The following C6orf89 variants were observed in gnomAD, a reference collection of about 807,000 sequenced individuals.
C6orf89 encodes the protein chromosome 6 open reading frame 89, also known as bombesin receptor-activated protein C6orf89.
A neutral mutation model predicts 40.7 loss-of-function variants in C6orf89; 29 were observed. The ratio of observed to expected loss-of-function variants is 0.71; its 90% CI spans 0.53 to 0.97. C6orf89 has a LOEUF of 0.97. Ranked by LOEUF, C6orf89 falls within the 50% of genes least tolerant of loss-of-function variation. The pLI, the probability that C6orf89 is intolerant of heterozygous loss-of-function variation, is 0.00. For missense variants in C6orf89, 392 were observed against 429.1 expected, an observed-to-expected ratio of 0.91 and a Z score of 0.76; for synonymous variants, 165 against 152.2, an observed-to-expected ratio of 1.08 and a Z score of -0.62.
intron 2 of C6orf89, among the ~76,000 whole-genome samples, chr6:36,897,879 T>C (rs563762356): frequency 6.6e-6 from 1 of 152,224 alleles, no homozygotes; most frequent in African/African-American, 2.4e-5. Flanking sequence ...ACTATGTCAG[T>C]ACTTTTTGGG....
At chr6:36,895,559 G>A (rs1761392678) in intron 2 of C6orf89, among the ~76,000 whole-genome samples, 1 of 152,126 alleles carries the variant, frequency 6.6e-6, no homozygotes, top group Non-Finnish European at 1.5e-5. Flanking sequence ...AAAAAAAGAT[G>A]TGTCTATTCC....
chr6:36,916,623 C>T (rs1762333195), intron 7 of C6orf89, 49 bp downstream of exon 7: 2 of 1,610,896 alleles, frequency 1.2e-6, no homozygotes, highest in East Asian at 4.5e-5. Context: ...TTATTTGGGA[C>T]CTGGACTGAT....
At position 36,914,832 on chromosome 6, in the gene C6orf89, A is replaced by C. The variant is rs367898071; in HGVS notation, c.695+139A>C. 7.8e-5 allele frequency: 80 copies of C among 1,027,558 alleles called. No homozygotes were observed. The African/African-American group carries it at 1.1e-3, about 15-fold the overall frequency. The allele number at this position is 1,027,558 out of a possible 1,614,324, so 63.7% of individuals were successfully genotyped here. A position where few individuals can be genotyped will look rare whatever the true frequency, so the allele number is the denominator to read the frequency against. Reference sequence around the variant, plus strand: ...TGGCAAAACCCCATCTCTACTAAAAATACAAAAATTAGCCAGGTATGGTGG... The same window carrying C: ...TGGCAAAACCCCATCTCTACTAAAACTACAAAAATTAGCCAGGTATGGTGG... On this transcript the variant is annotated intron_variant, in intron 6 of 8. Transcript: ENST00000480824.
At chr6:36,905,102 T>G (rs755466749) in intron 4 of C6orf89, among the ~76,000 whole-genome samples, 28 of 152,224 alleles carry the variant, frequency 1.8e-4, no homozygotes, top group Non-Finnish European at 2.9e-4. Context: ...TGTTTATTAC[T>G]TACCAGATGC....
In C6orf89 at chr6:36,914,548, G is replaced by C; in HGVS notation, c.556-6G>C. The stretch of plus-strand genomic sequence containing the variant: ...GTTGTTTTGTTTTGTTTCCTGCCTT[G>C]CCAAGACGGGAAAGCCCCTGTTGGA... On this transcript the variant is annotated splice_region_variant and splice_polypyrimidine_tract_variant and intron_variant, in intron 5 of 8. Coordinates refer to ENST00000480824, the MANE Select transcript of C6orf89 (RefSeq NM_001286635.2). 1 of 1,613,896 alleles carries C rather than the reference G, an allele frequency of 6.2e-7. No individual in the cohort carries two copies. Among genetic ancestry groups the C allele is most frequent in the Non-Finnish European group, 8.5e-7 (1 of 1,179,754 alleles).
At chr6:36,904,929 A>G (rs1761870097) in intron 4 of C6orf89, among the ~76,000 whole-genome samples, 1 of 152,130 alleles carries the variant, frequency 6.6e-6, no homozygotes, top group Non-Finnish European at 1.5e-5. Flanking sequence ...GACCCCACCC[A>G]GGGAACAAAA....
chr6:36,923,601 G>A lies in C6orf89; in HGVS notation c.*160G>A, dbSNP rs1470777175. On this transcript the variant is annotated 3_prime_UTR_variant, in exon 9 of 9. Transcript: ENST00000480824. The stretch of plus-strand genomic sequence containing the variant: ...ACCAGCTGTGAGCTGCAAGGCAGTG[G>A]CCAGAGCCTCGCCCTCCTGACTCTT... 5.8e-6 allele frequency: 4 copies of A among 690,434 alleles called. No individual in the cohort carries two copies. The highest frequency in any genetic ancestry group is 2.1e-5 in the Admixed American group (1 of 48,616). 42.8% of individuals were successfully genotyped at this position (690,434 alleles called of 1,614,324 possible). A position where few individuals can be genotyped will look rare whatever the true frequency, so the allele number is the denominator to read the frequency against.
At chr6:36,874,370 G>T (rs936134735) in intron 1 of C6orf89, among the ~76,000 whole-genome samples, 1 of 152,176 alleles carries the variant, frequency 6.6e-6, no homozygotes, top group African/African-American at 2.4e-5. Flanking sequence ...CTAAAGGCAG[G>T]GCTGTCTGTG....
In C6orf89 at chr6:36,914,814, A is replaced by G. The variant is rs950389439; in HGVS notation, c.695+121A>G. On this transcript the variant is annotated intron_variant, in intron 6 of 8. Coordinates refer to ENST00000480824, the MANE Select transcript of C6orf89 (RefSeq NM_001286635.2). ...AGACCAGCCTGGCCAACATGGCAAA[A>G]CCCCATCTCTACTAAAAATACAAAA... 3 of 1,192,568 alleles carry G rather than the reference A, an allele frequency of 2.5e-6. No individual in the cohort carries two copies. In the African/African-American group the frequency reaches 4.6e-5, roughly 18 times the overall value. The allele number at this position is 1,192,568 out of a possible 1,614,324, so 73.9% of individuals were successfully genotyped here.
At chr6:36,877,234 A>G (rs1207074358) in intron 1 of C6orf89, among the ~76,000 whole-genome samples, 3 of 152,242 alleles carry the variant, frequency 2.0e-5, no homozygotes, top group Non-Finnish European at 4.4e-5. Flanking sequence ...CTTGTGCATG[A>G]ATTTTTGGGA....
chr6:36,880,277 G>T (rs1393204499), intron 2 of C6orf89, among the ~76,000 whole-genome samples: 2 of 152,140 alleles, frequency 1.3e-5, no homozygotes, highest in African/African-American at 4.8e-5. Flanking sequence ...TGGAATCCAT[G>T]GGAAAAACAG....
At chr6:36,912,188 GC>G (rs1278066798) in intron 4 of C6orf89, among the ~76,000 whole-genome samples, 1 of 152,036 alleles carries the variant, frequency 6.6e-6, no homozygotes, top group African/African-American at 2.4e-5. Context: ...CCCACTGCAC[GC>G]CCAGCATCTG....
At chr6:36,879,633 G>A (rs1161369031) in intron 2 of C6orf89, among the ~76,000 whole-genome samples, 2 of 152,110 alleles carry the variant, frequency 1.3e-5, no homozygotes, top group African/African-American at 4.8e-5. Flanking sequence ...ATGTATTTGT[G>A]CTATGAATTC....
At chr6:36,890,699 A>G (rs1340294777) in intron 1 of C6orf89, among the ~76,000 whole-genome samples, 2 of 151,780 alleles carry the variant, frequency 1.3e-5, no homozygotes, top group Non-Finnish European at 2.9e-5. Flanking sequence ...ATGCCTGGCT[A>G]ATTTTTGTAT....
intron 1 of C6orf89, among the ~76,000 whole-genome samples, chr6:36,878,643 A>G (rs1178877829): frequency 6.6e-6 from 1 of 151,908 alleles, no homozygotes; most frequent in Non-Finnish European, 1.5e-5. Flanking sequence ...TTGTGGATGA[A>G]CTATAACCTA....
Position 36,926,109 on chromosome 6 carries a change from T to G in C6orf89, c.*2668T>G, listed in dbSNP as rs980889027. 1 of 152,230 alleles carries G rather than the reference T, an allele frequency of 6.6e-6. No homozygotes were observed. The highest frequency in any genetic ancestry group is 1.5e-5 in the Non-Finnish European group (1 of 68,058). 9.4% of individuals were successfully genotyped at this position (152,230 alleles called of 1,614,324 possible). On this transcript the variant is annotated 3_prime_UTR_variant, in exon 9 of 9. Transcript: ENST00000480824. ...GAGACAGGCTACTTTGGCCCCAGTT[T>G]GAAGCATTCTGTCCAAATGTCCTGA...
At chr6:36,884,475 T>G (rs180969929), upstream of C6orf89, among the ~76,000 whole-genome samples, 61 of 152,314 alleles carry the variant, frequency 4.0e-4, no homozygotes, top group African/African-American at 1.4e-3. This position sits in a 1 kb window ranked among gnomAD's most constrained non-coding sequence, Gnocchi z 4.0. Flanking sequence ...CACTGTATTC[T>G]CTCAAAGATT....
chr6:36,922,791 A>G (rs1220031406), intron 8 of C6orf89, among the ~76,000 whole-genome samples: 1 of 152,226 alleles, frequency 6.6e-6, no homozygotes, highest in Non-Finnish European at 1.5e-5. Context: ...ATGAAACCAC[A>G]TTATAGATAG....
chr6:36,884,905 C>G (rs886558979), upstream of C6orf89, among the ~76,000 whole-genome samples: 3 of 152,190 alleles, frequency 2.0e-5, no homozygotes, highest in African/African-American at 7.2e-5. The surrounding 1 kb of genome is among the most constrained non-coding windows in gnomAD (Gnocchi z 4.0). Flanking sequence ...GAGGTATCCT[C>G]TACTCAGCCC....
Sources: gnomAD v4.1 joint callset for allele counts (sites outside exome capture counted in the v4.1 genomes callset) on GRCh38, gnomAD v4.1.1 for gene constraint, Gnocchi (gnomAD v3.1) non-coding constraint, MANE v1.5 for transcripts, NCBI Gene and HGNC (gene_info 2026-07-23, HGNC 2026-07-21) for gene names.